TBP: variants seen among roughly 807,000 people sequenced by gnomAD.
TBP encodes the protein TATA-box-binding protein.
In TBP, 12 loss-of-function variants were observed where a neutral mutation model predicts 46.2. That is an observed-to-expected ratio of 0.26 (90% CI 0.17 to 0.42). The LOEUF (loss-of-function observed/expected upper bound fraction) is 0.42. Ranked by LOEUF, TBP falls within the 10% of genes least tolerant of loss-of-function variation. The pLI is 1.00. For synonymous variants in TBP, 157 were observed against 148.3 expected, an observed-to-expected ratio of 1.06 and a Z score of -0.42; for missense variants, 229 against 403.1, an observed-to-expected ratio of 0.57 and a Z score of 3.70.
At chr6:170,570,979 T>C (rs1779356558) in intron 6 of TBP, among the ~76,000 whole-genome samples, 4 of 152,212 alleles carry the variant, frequency 2.6e-5, no homozygotes, top group Admixed American at 1.3e-4. Flanking sequence ...GGAGGTAAGA[T>C]ATGATTAAAA....
intron 5 of TBP, 116 bp from the exon 6 acceptor site, chr6:170,569,496 G>C (rs1779333394): frequency 1.3e-6 from 1 of 787,638 alleles, no homozygotes; most frequent in Non-Finnish European, 1.9e-6. Context: ...TTGCAAGAAG[G>C]CTGACCAGTT....
At chr6:170,571,308 G>A in intron 6 of TBP, 102 bp from the exon 7 acceptor site, 1 of 758,524 alleles carries the variant, frequency 1.3e-6, no homozygotes, top group Non-Finnish European at 2.2e-6. Flanking sequence ...TTTACCTCTT[G>A]ACTAGTTTGT....
rs547165906 is a variant in TBP at position 170,566,139 on chromosome 6, C to T, written c.586-779C>T. Among the ~76,000 whole-genome samples, 20 of 151,926 alleles carry T rather than the reference C, an allele frequency of 1.3e-4. No individual in the cohort carries two copies. The East Asian group carries it at 2.7e-3, about 21-fold the overall frequency. On this transcript the variant is annotated intron_variant, in intron 4 of 7. Transcript: ENST00000392092. ...AAAGCAATCTAGTTTGTCAAAGAGT[C>T]GTCTTAATTAGAAACATGTAGGTTT...
chr6:170,569,714 G>A lies in TBP; in HGVS notation c.780G>A (p.Gly260=), dbSNP rs1449119612. 1.2e-6 allele frequency: 2 copies of A among 1,614,104 alleles called. No homozygotes were observed. The highest frequency in any genetic ancestry group is 1.7e-6 in the Non-Finnish European group (2 of 1,179,994). Reference sequence around the variant, plus strand: ...ACTTCAAGATTCAGAATATGGTGGGGAGCTGTGATGTGAAGTTTCCTATAA... The same window carrying A: ...ACTTCAAGATTCAGAATATGGTGGGAAGCTGTGATGTGAAGTTTCCTATAA... ...FLDFKIQNMV[G]SCDVKFPIRL... The change falls in exon 6 of 8, where the codon GGG becomes GGA. Residue 260 remains glycine, a synonymous_variant. Coordinates refer to ENST00000392092, the MANE Select transcript of TBP (RefSeq NM_003194.5).
rs551889211 is a variant in TBP at position 170,561,985 on chromosome 6, G to A, written c.249G>A (p.Gln83=). Residue 83 remains glutamine, a synonymous_variant, in exon 3 of 8, where the codon CAG becomes CAA. Coordinates refer to ENST00000392092, the MANE Select transcript of TBP (RefSeq NM_003194.5). The part of the protein sequence containing the change: ...QQQQQQQQQQ[Q]QQQQQQQQQQ... Reference sequence around the variant, plus strand: ...AGCAGCAGCAGCAGCAGCAGCAGCAGCAGCAGCAGCAGCAGCAGCAGCAGC... The same window carrying A: ...AGCAGCAGCAGCAGCAGCAGCAGCAACAGCAGCAGCAGCAGCAGCAGCAGC... 31 of 1,567,650 alleles carry A rather than the reference G, an allele frequency of 2.0e-5. No individual in the cohort carries two copies. Among genetic ancestry groups the A allele is most frequent in the Admixed American group, 5.1e-5 (3 of 58,716 alleles).
At chr6:170,566,103 A>G (rs532191450) in intron 4 of TBP, among the ~76,000 whole-genome samples, 1 of 152,180 alleles carries the variant, frequency 6.6e-6, no homozygotes, top group African/African-American at 2.4e-5. Context: ...AAATAAAAAA[A>G]TAAAATTGTT....
chr6:170,563,630 G>A (rs1197600431), intron 3 of TBP, among the ~76,000 whole-genome samples: 1 of 151,964 alleles, frequency 6.6e-6, no homozygotes, highest in Non-Finnish European at 1.5e-5. Context: ...TTACAGTTGT[G>A]TATCATAGAC....
At chr6:170,557,342 A>C (rs534287612) in intron 2 of TBP, among the ~76,000 whole-genome samples, 1 of 152,222 alleles carries the variant, frequency 6.6e-6, no homozygotes, top group African/African-American at 2.4e-5. Context: ...CCAAATGACT[A>C]TATAGGGTCT....
At chr6:170,557,433 T>C (rs1301607434) in intron 2 of TBP, among the ~76,000 whole-genome samples, 1 of 152,156 alleles carries the variant, frequency 6.6e-6, no homozygotes, top group Non-Finnish European at 1.5e-5. Flanking sequence ...CAACCACCCA[T>C]CTACTTTAAA....
chr6:170,560,927 A>G (rs2114992968), intron 2 of TBP, among the ~76,000 whole-genome samples: 1 of 152,332 alleles, frequency 6.6e-6, no homozygotes, highest in South Asian at 2.1e-4. Flanking sequence ...AGGGTTTGAG[A>G]GGATTGACTC....
At chr6:170,559,105 A>G (rs1228342126) in intron 2 of TBP, among the ~76,000 whole-genome samples, 1 of 152,242 alleles carries the variant, frequency 6.6e-6, no homozygotes, top group Non-Finnish European at 1.5e-5. Flanking sequence ...AAATGTCTGC[A>G]GCGTGACCAA....
At chr6:170,568,894 C>T (rs1169058476) in intron 5 of TBP, among the ~76,000 whole-genome samples, 1 of 130,740 alleles carries the variant, frequency 7.6e-6, no homozygotes, top group Non-Finnish European at 1.6e-5. Context: ...CTCACTGCAA[C>T]CTCCACCTCC....
Position 170,561,707 on chromosome 6 carries a change from A to C in TBP, c.55-84A>C. On this transcript the variant is annotated intron_variant, in intron 2 of 7. Coordinates refer to ENST00000392092, the MANE Select transcript of TBP (RefSeq NM_003194.5). ...TCTCCGAAGGCATCTGTCTTTGCAC[A>C]CCTGACCTGCTGTTCCACCAAGAAA... The C allele has an allele frequency of 1.9e-6, 3 of 1,551,104 alleles. No homozygotes were observed. In the South Asian group the frequency reaches 3.7e-5, roughly 19 times the overall value.
intron 6 of TBP, among the ~76,000 whole-genome samples, chr6:170,570,623 A>C (rs1217287990): frequency 6.6e-6 from 1 of 152,216 alleles, no homozygotes; most frequent in East Asian, 1.9e-4. Context: ...AGTTGAGTTC[A>C]GGAGTTCAAG....
chr6:170,558,665 G>A (rs184592175), intron 2 of TBP, among the ~76,000 whole-genome samples: 24 of 143,852 alleles, frequency 1.7e-4, no homozygotes, highest in African/African-American at 6.1e-4. Flanking sequence ...ATCCGTTATT[G>A]TTATCAAACT....
intron 3 of TBP, among the ~76,000 whole-genome samples, chr6:170,563,608 A>C (rs921331005): frequency 1.3e-5 from 2 of 152,110 alleles, no homozygotes; most frequent in African/African-American, 4.8e-5. Flanking sequence ...GTGTGGATCA[A>C]CCTAATTGGC....
intron 5 of TBP, 161 bp downstream of exon 5, chr6:170,567,170 T>G (rs1779270882): frequency 1.1e-5 from 3 of 263,746 alleles, no homozygotes; most frequent in Non-Finnish European, 2.0e-5. Context: ...TTTATTTATT[T>G]ATTATTTGAT....
intron 6 of TBP, among the ~76,000 whole-genome samples, chr6:170,571,132 G>A (rs1295973106): frequency 6.6e-6 from 1 of 152,116 alleles, no homozygotes; most frequent in Admixed American, 6.5e-5. Flanking sequence ...CATAACTACA[G>A]GGCTCTTTTT....
intron 2 of TBP, among the ~76,000 whole-genome samples, chr6:170,559,982 C>T (rs1322453107): frequency 6.6e-6 from 1 of 152,166 alleles, no homozygotes; most frequent in Non-Finnish European, 1.5e-5. Context: ...GATGAGAGCA[C>T]GTCTGTTTAC....
Sources: allele counts gnomAD v4.1 joint callset (sites outside exome capture counted in the v4.1 genomes callset), GRCh38; gene constraint gnomAD v4.1.1; transcripts MANE v1.5; gene names NCBI Gene and HGNC (gene_info 2026-07-23, HGNC 2026-07-21).